DACH1: variants seen among roughly 807,000 people sequenced by gnomAD.
The protein encoded by DACH1 is dachshund family transcription factor 1.
Under a neutral mutation model 54.2 loss-of-function variants are expected in DACH1, and 12 were observed. The observed-to-expected ratio is 0.22, with a 90% CI of 0.14 to 0.36. DACH1 has a LOEUF of 0.36. DACH1 is among the 10% of genes least tolerant of loss of function. DACH1 has a pLI of 1.00. For missense variants in DACH1, 805 were observed against 929.8 expected (o/e 0.87, Z 1.75); for synonymous variants, 386 against 366.2 (o/e 1.05, Z -0.62).
At chr13:71,476,187 C>T (rs1239382202) in intron 8 of DACH1, among the ~76,000 whole-genome samples, 1 of 152,144 alleles carries the variant, frequency 6.6e-6, no homozygotes, top group Non-Finnish European at 1.5e-5. Context: ...TGGCTTAGTT[C>T]TCTGTCCTTG....
intron 1 of DACH1, among the ~76,000 whole-genome samples, chr13:71,865,452 G>A (rs879727824): frequency 6.6e-6 from 1 of 152,142 alleles, no homozygotes; most frequent in Non-Finnish European, 1.5e-5. Flanking sequence ...CCCCGCCCCC[G>A]GGACACCGCT....
chr13:71,517,404 G>C (rs984282827), intron 6 of DACH1, among the ~76,000 whole-genome samples: 1 of 151,756 alleles, frequency 6.6e-6, no homozygotes, highest in Admixed American at 6.6e-5. Flanking sequence ...TTCAAATAAT[G>C]GTTGTCAACA....
chr13:71,824,830 T>C (rs1030983689), intron 1 of DACH1, among the ~76,000 whole-genome samples: 2 of 152,110 alleles, frequency 1.3e-5, no homozygotes, highest in African/African-American at 4.8e-5. Flanking sequence ...GGAAGCTCTG[T>C]CCAAACACAA....
At chr13:71,611,094 C>T (rs1025239688) in intron 3 of DACH1, among the ~76,000 whole-genome samples, 1 of 152,110 alleles carries the variant, frequency 6.6e-6, no homozygotes, top group African/African-American at 2.4e-5. Flanking sequence ...AGTCCCTCGG[C>T]ACTTGTGCTT....
At chr13:71,755,437 C>T (rs1179671416) in intron 1 of DACH1, among the ~76,000 whole-genome samples, 2 of 152,114 alleles carry the variant, frequency 1.3e-5, no homozygotes, top group Admixed American at 1.3e-4. Flanking sequence ...AATTTTATTG[C>T]TCTGACCAAA....
At chr13:71,680,751 T>C (rs1314639627) in intron 2 of DACH1, among the ~76,000 whole-genome samples, 1 of 152,196 alleles carries the variant, frequency 6.6e-6, no homozygotes, top group African/African-American at 2.4e-5. Context: ...ATGAACTGTT[T>C]AGACATTACT....
At chr13:71,626,251 T>C (rs1027431510) in intron 3 of DACH1, among the ~76,000 whole-genome samples, 2 of 151,990 alleles carry the variant, frequency 1.3e-5, no homozygotes, top group African/African-American at 4.8e-5. Context: ...GATTAAGAGA[T>C]GCTCACTATG....
At chr13:71,465,631 G>C (rs1234487767) in intron 10 of DACH1, among the ~76,000 whole-genome samples, 1 of 151,850 alleles carries the variant, frequency 6.6e-6, no homozygotes, top group Admixed American at 6.6e-5. Flanking sequence ...TGGATAACTT[G>C]CTCCAACTGA....
At chr13:71,674,084 C>A (rs541975184) in intron 2 of DACH1, among the ~76,000 whole-genome samples, 3 of 152,258 alleles carry the variant, frequency 2.0e-5, no homozygotes, top group South Asian at 4.1e-4. Flanking sequence ...TAGCCATATT[C>A]ATTGAACAAA....
At chr13:71,721,659 T>C (rs1322454383) in intron 1 of DACH1, among the ~76,000 whole-genome samples, 4 of 152,162 alleles carry the variant, frequency 2.6e-5, no homozygotes, top group African/African-American at 9.7e-5. Context: ...TTCTTCTCTT[T>C]TGTTTCAGTA....
intron 3 of DACH1, among the ~76,000 whole-genome samples, chr13:71,628,692 G>GATAGGCTA (rs1876846438): frequency 6.6e-6 from 1 of 152,030 alleles, no homozygotes; most frequent in African/African-American, 2.4e-5. Flanking sequence ...AAGTCATTGC[G>GATAGGCTA]ATAGGCTACG....
intron 1 of DACH1, among the ~76,000 whole-genome samples, chr13:71,726,092 C>G: frequency 6.6e-6 from 1 of 152,020 alleles, no homozygotes; most frequent in Non-Finnish European, 1.5e-5. Flanking sequence ...AGATGCTTCC[C>G]CCTCAGAATC....
intron 1 of DACH1, among the ~76,000 whole-genome samples, chr13:71,727,646 C>A (rs988965116): frequency 2.0e-5 from 3 of 151,968 alleles, no homozygotes; most frequent in South Asian, 4.1e-4. Context: ...AAAATGAGGA[C>A]ATGGAAAAGG....
At chr13:71,734,159 ACGTATACCC>A (rs1883889414) in intron 1 of DACH1, among the ~76,000 whole-genome samples, 4 of 146,528 alleles carry the variant, frequency 2.7e-5, no homozygotes, top group Non-Finnish European at 6.0e-5. Context: ...TATCCCATAT[ACGTATACCC>A]CATATATATG....
At chr13:71,701,847 A>T (rs1882151234) in intron 1 of DACH1, among the ~76,000 whole-genome samples, 1 of 152,128 alleles carries the variant, frequency 6.6e-6, no homozygotes, top group Non-Finnish European at 1.5e-5. Flanking sequence ...ACAGTGTTTG[A>T]TTATATAGTT....
intron 1 of DACH1, among the ~76,000 whole-genome samples, chr13:71,705,159 C>T (rs1458369631): frequency 6.6e-6 from 1 of 151,990 alleles, no homozygotes; most frequent in Non-Finnish European, 1.5e-5. Context: ...TAGGACAGGA[C>T]CAAAAATTAT....
At chr13:71,616,114 T>G (rs1310623071) in intron 3 of DACH1, among the ~76,000 whole-genome samples, 1 of 152,002 alleles carries the variant, frequency 6.6e-6, no homozygotes, top group Non-Finnish European at 1.5e-5. Context: ...TGGCACCAGA[T>G]TTTGTATTTT....
chr13:71,842,414 A>T (rs917308915), intron 1 of DACH1, among the ~76,000 whole-genome samples: 2 of 95,160 alleles, frequency 2.1e-5, no homozygotes. Flanking sequence ...CATTTCTATT[A>T]AAAAAAAAAA....
intron 6 of DACH1, among the ~76,000 whole-genome samples, chr13:71,512,528 A>T (rs1318575966): frequency 1.3e-5 from 2 of 151,906 alleles, no homozygotes; most frequent in Non-Finnish European, 2.9e-5. Flanking sequence ...ATTCTTAATA[A>T]AGAATTTGGC....
Sources: gnomAD v4.1 joint callset for allele counts (sites outside exome capture counted in the v4.1 genomes callset) on GRCh38, gnomAD v4.1.1 for gene constraint, MANE v1.5 for transcripts, NCBI Gene and HGNC (gene_info 2026-07-23, HGNC 2026-07-21) for gene names.